The following L3MBTL1 variants were observed in gnomAD, a reference collection of about 807,000 sequenced individuals.
The protein encoded by L3MBTL1 is L3MBTL histone methyl-lysine binding protein 1, also known as lethal(3)malignant brain tumor-like protein 1.
In L3MBTL1, 75 loss-of-function variants were observed where a neutral mutation model predicts 105.3. That is an observed-to-expected ratio of 0.71 (90% CI 0.59 to 0.86). The LOEUF (loss-of-function observed/expected upper bound fraction) is 0.86, where lower values mean the gene tolerates loss of function less well. L3MBTL1 is among the 40% of genes least tolerant of loss of function. The pLI, the probability that L3MBTL1 is intolerant of heterozygous loss-of-function variation, is 0.00. For synonymous variants in L3MBTL1, 452 were observed against 436.2 expected (o/e 1.04, Z -0.45); for missense variants, 1,069 against 1,126.4 (o/e 0.95, Z 0.73).
Position 43,515,112 on chromosome 20 carries a change from A to G in L3MBTL1, c.606A>G (p.Pro202=). The G allele has an allele frequency of 1.9e-6, 3 of 1,614,166 alleles. No individual in the cohort carries two copies. The highest frequency in any genetic ancestry group is 1.1e-5 in the South Asian group (1 of 91,090). The part of the protein sequence containing the change: ...QACGPHQAAG[P]DLGSSNDGCP... The stretch of plus-strand genomic sequence containing the variant: ...GCGGGCCTCACCAAGCCGCGGGTCC[A>G]GATCTTGGTTCCTCTAATGATGGCT... The change falls in exon 5 of 22, where the codon CCA becomes CCG. Residue 202 remains proline (P), a synonymous_variant. Transcript: ENST00000418998.
At chr20:43,547,245 C>T (rs897068328) in intron 18 of L3MBTL1, among the ~76,000 whole-genome samples, 3 of 151,986 alleles carry the variant, frequency 2.0e-5, no homozygotes, top group Non-Finnish European at 2.9e-5. Flanking sequence ...GCTGGGACTG[C>T]AGGCGCCCGC....
chr20:43,521,102 G>A (rs995165778), intron 7 of L3MBTL1, among the ~76,000 whole-genome samples: 1 of 152,210 alleles, frequency 6.6e-6, no homozygotes, highest in African/African-American at 2.4e-5. Flanking sequence ...ATAAGTATCA[G>A]GCTCTTGGTT....
intron 18 of L3MBTL1, chr20:43,548,104 C>T: frequency 7.7e-7 from 1 of 1,303,894 alleles, no homozygotes; most frequent in Non-Finnish European, 1.0e-6. Context: ...CTCCCGCAAC[C>T]CCTCAGATGA....
intron 3 of L3MBTL1, among the ~76,000 whole-genome samples, 196 bp downstream of exon 3, chr20:43,514,257 C>T (rs919631500): frequency 8.6e-5 from 13 of 151,750 alleles, no homozygotes; most frequent in Admixed American, 1.3e-4. Context: ...ACTATGGGGG[C>T]GTGGCTTGGA....
intron 7 of L3MBTL1, 77 bp from the exon 8 acceptor site, chr20:43,528,580 G>A (rs531426212): frequency 2.9e-6 from 3 of 1,046,556 alleles, no homozygotes; most frequent in Admixed American, 3.5e-5. Flanking sequence ...TGAAGGTAGA[G>A]CTTGGTCAGG....
chr20:43,514,737 GCCCCGGCGGGAGATGGCGAGGCGGGC>G lies in L3MBTL1; in HGVS notation c.468_493del (p.Ala157ThrfsTer21), dbSNP rs747623316. The G allele has an allele frequency of 6.4e-6, 10 of 1,569,712 alleles. 1 individual carries two copies. The highest frequency in any genetic ancestry group is 4.7e-5 in the East Asian group (2 of 42,968). On this transcript the variant is annotated frameshift_variant, in exon 4 of 22. Coordinates refer to ENST00000418998, the MANE Select transcript of L3MBTL1 (RefSeq NM_001377303.1). LOFTEE classifies it high-confidence loss of function. ...CGTGACCGAATACGAAGATGGCGGGGCCCCGGCGGGAGATGGCGAGGCGGGCCCCCAACAGGCGGGTAGGAGCCCCG... is the reference window on the plus strand; with the variant it reads ...CGTGACCGAATACGAAGATGGCGGGGCCCCAACAGGCGGGTAGGAGCCCCG...
chr20:43,524,139 T>G (rs1244796173), intron 7 of L3MBTL1, among the ~76,000 whole-genome samples: 2 of 152,192 alleles, frequency 1.3e-5, no homozygotes, highest in Non-Finnish European at 2.9e-5. Context: ...CTAATTTTAT[T>G]TGTCTTTTAA....
chr20:43,536,053 G>A (rs199893329), intron 17 of L3MBTL1, 44 bp from the exon 18 acceptor site: 191 of 1,606,584 alleles, frequency 1.2e-4, no homozygotes, highest in Admixed American at 9.7e-4. Context: ...AGGGCTCAGC[G>A]GGGACCAGTG....
downstream of L3MBTL1, among the ~76,000 whole-genome samples, chr20:43,542,191 C>G (rs1600968810): frequency 6.6e-6 from 1 of 152,344 alleles, no homozygotes; most frequent in East Asian, 1.9e-4. Context: ...GTCTGGGCAA[C>G]AGAACGAAAC....
downstream of L3MBTL1, among the ~76,000 whole-genome samples, chr20:43,544,060 G>T (rs1044176016): frequency 2.0e-5 from 3 of 152,152 alleles, no homozygotes; most frequent in East Asian, 5.8e-4. Context: ...AGACACATGT[G>T]CAGGTGTCCT....
At chr20:43,515,444 G>A in intron 6 of L3MBTL1, 29 bp downstream of exon 6, 1 of 1,547,198 alleles carries the variant, frequency 6.5e-7, no homozygotes, top group Admixed American at 2.0e-5. Flanking sequence ...GGAAGGGAGG[G>A]GGAAGCTATA....
chr20:43,514,703 G>A lies in L3MBTL1; in HGVS notation c.429G>A (p.Arg143=). The A allele has an allele frequency of 1.9e-6, 3 of 1,583,470 alleles. No individual in the cohort carries two copies. Among genetic ancestry groups the A allele is most frequent in the Non-Finnish European group, 2.6e-6 (3 of 1,165,110 alleles). ...GVEQPPSPEL[R]QEGVTEYEDG... is the part of the protein sequence containing the mutation. ...AGCAGCCCCCGAGCCCCGAGCTGCG[G>A]CAGGAAGGCGTGACCGAATACGAAG... The change falls in exon 4 of 22, where the codon CGG becomes CGA. Residue 143 remains arginine (R), a synonymous_variant. Coordinates refer to ENST00000418998, the MANE Select transcript of L3MBTL1 (RefSeq NM_001377303.1).
rs1449083350 is a variant in L3MBTL1, at chr20:43,541,700, A to G, written c.*572A>G. Reference sequence around the variant, plus strand: ...AGGGCCATGTATCAGGTTTCTGTATATGTTCCACTATAATCTTATGGGACC... The same window carrying G: ...AGGGCCATGTATCAGGTTTCTGTATGTGTTCCACTATAATCTTATGGGACC... On this transcript the variant is annotated 3_prime_UTR_variant, in exon 22 of 22. Transcript: ENST00000418998. 5.7e-6 allele frequency: 3 copies of G among 528,166 alleles called. No individual in the cohort carries two copies. Among genetic ancestry groups the G allele is most frequent in the Non-Finnish European group, 7.3e-6 (3 of 410,552 alleles). The allele number at this position is 528,166 out of a possible 1,614,324, so 32.7% of individuals were successfully genotyped here.
At chr20:43,514,571 C>T (rs185208338) in intron 3 of L3MBTL1, 64 bp from the exon 4 acceptor site, 9 of 1,595,608 alleles carry the variant, frequency 5.6e-6, no homozygotes, top group Non-Finnish European at 7.7e-6. Flanking sequence ...GCCATGGCAC[C>T]GACTCCGAGA....
At chr20:43,546,236 GC>G (rs1978590832), downstream of L3MBTL1, among the ~76,000 whole-genome samples, 8 of 152,340 alleles carry the variant, frequency 5.3e-5, no homozygotes, top group South Asian at 1.7e-3. Flanking sequence ...GGTCTGTAGT[GC>G]AGTCTGTGGA....
chr20:43,530,194 A>G, intron 9 of L3MBTL1, 90 bp from the exon 10 acceptor site: 1 of 1,541,632 alleles, frequency 6.5e-7, no homozygotes, highest in Non-Finnish European at 8.9e-7. Context: ...AGAGCCCCTG[A>G]GACCACCAGA....
At chr20:43,543,803 G>A (rs1399956632), downstream of L3MBTL1, among the ~76,000 whole-genome samples, 1 of 152,244 alleles carries the variant, frequency 6.6e-6, no homozygotes, top group Non-Finnish European at 1.5e-5. Context: ...TCTTATGGTT[G>A]TTCTGTACTG....
chr20:43,548,081 A>G (rs1371567708), intron 18 of L3MBTL1: 1 of 1,150,824 alleles, frequency 8.7e-7, no homozygotes, highest in Non-Finnish European at 1.1e-6. Flanking sequence ...CACCTTCTCC[A>G]CTTTCCACCT....
chr20:43,514,168 A>C (rs903848815), intron 3 of L3MBTL1, 107 bp downstream of exon 3: 1 of 1,019,010 alleles, frequency 9.8e-7, no homozygotes. Flanking sequence ...GCTGGCTCAG[A>C]TGATGGGCCC....
Sources: gnomAD v4.1 joint callset for allele counts (sites outside exome capture counted in the v4.1 genomes callset) on GRCh38, gnomAD v4.1.1 for gene constraint, MANE v1.5 for transcripts, NCBI Gene and HGNC (gene_info 2026-07-23, HGNC 2026-07-21) for gene names.